Variants in MAGI3 observed in about 807,000 individuals in gnomAD.
MAGI3 encodes the protein membrane associated guanylate kinase, WW and PDZ domain containing 3.
In MAGI3, 43 loss-of-function variants were observed where a neutral mutation model predicts 121.8. That is an observed-to-expected ratio of 0.35 (90% confidence interval 0.28 to 0.46). The LOEUF is 0.46. Among genes scored for constraint, MAGI3 ranks in the 20% least tolerant of loss-of-function variants. The pLI is 1.00. For missense variants in MAGI3, 1,547 were observed against 1,797.3 expected (o/e 0.86, Z 2.52); for synonymous variants, 553 against 639.3 (o/e 0.86, Z 2.04).
intron 9 of MAGI3, among the ~76,000 whole-genome samples, chr1:113,633,654 G>C (rs974789048): frequency 1.4e-4 from 21 of 152,140 alleles, no homozygotes; most frequent in African/African-American, 4.6e-4. Flanking sequence ...ATTTGGGTTG[G>C]TTCCAAGTCT....
intron 1 of MAGI3, among the ~76,000 whole-genome samples, chr1:113,414,608 G>T (rs761560637): frequency 6.6e-6 from 1 of 151,986 alleles, no homozygotes; most frequent in Non-Finnish European, 1.5e-5. Context: ...TTCGGAGAGT[G>T]TATGTGTCCA....
intron 1 of MAGI3, among the ~76,000 whole-genome samples, chr1:113,417,890 C>T (rs933982463): frequency 9.9e-5 from 15 of 152,202 alleles, no homozygotes; most frequent in African/African-American, 3.4e-4. Context: ...GACTCAAATA[C>T]TTTAGAATAA....
At chr1:113,535,489 A>G (rs552363889) in intron 1 of MAGI3, among the ~76,000 whole-genome samples, 39 of 152,290 alleles carry the variant, frequency 2.6e-4, no homozygotes, top group South Asian at 2.1e-3. Flanking sequence ...CAATATATTT[A>G]AACATTATAA....
intron 2 of MAGI3, among the ~76,000 whole-genome samples, chr1:113,579,667 G>A (rs929077382): frequency 6.6e-6 from 1 of 152,058 alleles, no homozygotes; most frequent in African/African-American, 2.4e-5. Flanking sequence ...AACAATAAAG[G>A]TCCTAGATAA....
At chr1:113,550,186 G>A (rs1181231241) in intron 2 of MAGI3, among the ~76,000 whole-genome samples, 2 of 151,182 alleles carry the variant, frequency 1.3e-5, no homozygotes, top group South Asian at 2.1e-4. Flanking sequence ...CGAGGCGGAC[G>A]GATCACTAGG....
At chr1:113,406,192 C>A (rs2101314603) in intron 1 of MAGI3, among the ~76,000 whole-genome samples, 1 of 150,748 alleles carries the variant, frequency 6.6e-6, no homozygotes, top group South Asian at 2.1e-4. Context: ...TAAATCCCAG[C>A]ACTTTGGGAG....
At chr1:113,435,783 G>A (rs1279324904) in intron 1 of MAGI3, among the ~76,000 whole-genome samples, 1 of 152,048 alleles carries the variant, frequency 6.6e-6, no homozygotes, top group Non-Finnish European at 1.5e-5. Context: ...TGGAAAAAGG[G>A]ACAGCAAAGA....
chr1:113,531,756 T>G (rs1312008712), intron 1 of MAGI3, among the ~76,000 whole-genome samples: 1 of 151,968 alleles, frequency 6.6e-6, no homozygotes, highest in Non-Finnish European at 1.5e-5. Flanking sequence ...ACAGGGTACC[T>G]TTCTCGAAAC....
chr1:113,545,954 A>G (rs78709542), intron 1 of MAGI3, among the ~76,000 whole-genome samples: 132 of 152,274 alleles, frequency 8.7e-4, no homozygotes, highest in African/African-American at 3.1e-3. Context: ...GCAGATGTTC[A>G]TATACAAATT....
chr1:113,599,468 T>C (rs984001139), intron 6 of MAGI3, among the ~76,000 whole-genome samples: 4 of 152,140 alleles, frequency 2.6e-5, no homozygotes, highest in Non-Finnish European at 5.9e-5. Flanking sequence ...CTAGAAAATC[T>C]AGAAGAAATG....
chr1:113,621,376 G>A (rs1360444511), intron 8 of MAGI3, among the ~76,000 whole-genome samples: 1 of 152,158 alleles, frequency 6.6e-6, no homozygotes, highest in African/African-American at 2.4e-5. Flanking sequence ...TGTTGGATTT[G>A]ACAGTAGGGA....
chr1:113,533,371 G>A (rs1358388474), intron 1 of MAGI3, among the ~76,000 whole-genome samples: 1 of 152,064 alleles, frequency 6.6e-6, no homozygotes, highest in African/African-American at 2.4e-5. Flanking sequence ...TTTATAAATG[G>A]TAGCTAAACA....
intron 9 of MAGI3, among the ~76,000 whole-genome samples, chr1:113,628,254 A>G (rs1034363471): frequency 5.9e-5 from 9 of 152,152 alleles, no homozygotes; most frequent in African/African-American, 2.2e-4. Context: ...TAAACTGAGG[A>G]CAAATTAACA....
intron 1 of MAGI3, among the ~76,000 whole-genome samples, chr1:113,548,527 G>A (rs1659636580): frequency 6.6e-6 from 1 of 152,190 alleles, no homozygotes; most frequent in South Asian, 2.1e-4. Flanking sequence ...CCCTAAGGTA[G>A]GGCCAGTTTG....
intron 15 of MAGI3, among the ~76,000 whole-genome samples, chr1:113,656,580 A>AT (rs1002639876): frequency 2.0e-5 from 3 of 151,510 alleles, no homozygotes; most frequent in Admixed American, 1.3e-4. Context: ...CACCTGGCTA[A>AT]TTTTTTTTGT....
chr1:113,494,857 A>G (rs1010439739), intron 1 of MAGI3, among the ~76,000 whole-genome samples: 3 of 152,178 alleles, frequency 2.0e-5, no homozygotes, highest in African/African-American at 7.2e-5. Context: ...AGCTTTGTTA[A>G]TACTGATTTG....
In MAGI3 at chr1:113,520,118, A is replaced by G. The variant is rs539427580; in HGVS notation, c.317-29397A>G. 3.9e-5 allele frequency among the ~76,000 whole-genome samples: 6 copies of G among 152,314 alleles called. No homozygotes were observed. The East Asian group carries it at 1.2e-3, about 29-fold the overall frequency. On this transcript the variant is annotated intron_variant, in intron 1 of 20. Coordinates refer to ENST00000307546, the MANE Select transcript of MAGI3 (RefSeq NM_001142782.2). The stretch of plus-strand genomic sequence containing the variant: ...TATCCATAGTTTGAAATAAATATAA[A>G]CATGGTCAGTTCAGACTTCAACACA...
chr1:113,391,473 G>GC lies in MAGI3; in HGVS notation c.316+126dup. ...GGGTAATCTTAGACCTCTAGGGTGT[G>GC]CCAGACTCCTTGACGAGGGGGAGGG... On this transcript the variant is annotated intron_variant, in intron 1 of 20. Transcript: ENST00000307546. The surrounding 1 kb of genome is among the most constrained non-coding windows in gnomAD (Gnocchi z 4.4). 5 of 1,094,160 alleles carry GC rather than the reference G, an allele frequency of 4.6e-6. No homozygotes were observed. Among genetic ancestry groups the GC allele is most frequent in the Non-Finnish European group, 6.4e-6 (5 of 776,114 alleles). The allele number at this position is 1,094,160 out of a possible 1,614,324, so 67.8% of individuals were successfully genotyped here. A position where few individuals can be genotyped will look rare whatever the true frequency, so the allele number is the denominator to read the frequency against.
intron 1 of MAGI3, among the ~76,000 whole-genome samples, chr1:113,489,369 A>C (rs771561704): frequency 1.3e-5 from 2 of 152,192 alleles, no homozygotes; most frequent in Non-Finnish European, 2.9e-5. Flanking sequence ...CAAATAGAAT[A>C]AAAGGAAAAA....
Sources: gnomAD v4.1 joint callset for allele counts (sites outside exome capture counted in the v4.1 genomes callset) on GRCh38, gnomAD v4.1.1 for gene constraint, Gnocchi (gnomAD v3.1) non-coding constraint, MANE v1.5 for transcripts, NCBI Gene and HGNC (gene_info 2026-07-23, HGNC 2026-07-21) for gene names.